The following CACNA2D1 variants were observed in gnomAD, a reference collection of about 807,000 sequenced individuals.
The protein encoded by CACNA2D1 is calcium voltage-gated channel auxiliary subunit alpha2delta 1.
Under a neutral mutation model 171.5 loss-of-function variants are expected in CACNA2D1, and 53 were observed. The observed-to-expected ratio is 0.31, with a 90% CI of 0.25 to 0.39. The LOEUF (loss-of-function observed/expected upper bound fraction) is 0.39. CACNA2D1 is among the 10% of genes least tolerant of loss of function. The pLI is 1.00. For synonymous variants in CACNA2D1, 442 were observed against 443.1 expected, an observed-to-expected ratio of 1.00 and a Z score of 0.03; for missense variants, 903 against 1,299.8, an observed-to-expected ratio of 0.69 and a Z score of 4.69.
At chr7:82,441,660 TGTA>T (rs1230646419) in intron 1 of CACNA2D1, among the ~76,000 whole-genome samples, 4 of 152,194 alleles carry the variant, frequency 2.6e-5, no homozygotes, top group African/African-American at 4.8e-5. Flanking sequence ...TGTATTTTGT[TGTA>T]GTTTTCCCCA....
intron 29 of CACNA2D1, 74 bp downstream of exon 29, chr7:81,968,813 T>C (rs150919520): frequency 0.013 from 11,124 of 846,746 alleles, 159 homozygotes; most frequent in South Asian, 0.029. Context: ...TTGATAAACA[T>C]TGCCAGTTTA....
intron 13 of CACNA2D1, 60 bp from the exon 14 acceptor site, chr7:82,013,570 ATTATT>A (rs1315016262): frequency 3.4e-6 from 2 of 580,218 alleles, no homozygotes; most frequent in Non-Finnish European, 5.1e-6. Context: ...GGGCCACAAA[ATTATT>A]TTATTTTATA....
chr7:81,978,984 T>C (rs1796164952), intron 24 of CACNA2D1, among the ~76,000 whole-genome samples: 1 of 86,926 alleles, frequency 1.2e-5, no homozygotes, highest in Non-Finnish European at 2.4e-5. Flanking sequence ...GCTGTATTGA[T>C]ATCATTCAGC....
chr7:81,978,768 TATACACACACACAC>T (rs745723551), intron 24 of CACNA2D1, among the ~76,000 whole-genome samples: 17 of 140,754 alleles, frequency 1.2e-4, no homozygotes, highest in African/African-American at 4.3e-4. Flanking sequence ...TATATATATA[TATACACACACACAC>T]ACACTGTTCA....
intron 4 of CACNA2D1, among the ~76,000 whole-genome samples, chr7:82,150,761 T>G (rs986602757): frequency 1.3e-5 from 2 of 152,148 alleles, no homozygotes; most frequent in Non-Finnish European, 2.9e-5. Flanking sequence ...TAGAAATCAG[T>G]GTTTTTATAG....
intron 3 of CACNA2D1, among the ~76,000 whole-genome samples, chr7:82,320,069 A>ATT (rs3839792): frequency 5.6e-4 from 83 of 148,576 alleles, no homozygotes; most frequent in African/African-American, 1.8e-3. Flanking sequence ...TCTGAGGCTG[A>ATT]TTTTTTTTTT....
At chr7:82,060,020 T>G (rs1806429447) in intron 10 of CACNA2D1, among the ~76,000 whole-genome samples, 1 of 85,776 alleles carries the variant, frequency 1.2e-5, no homozygotes. Flanking sequence ...GGGGGAGGGA[T>G]AGCATTAGGA....
chr7:82,175,353 T>C (rs1253535436), intron 3 of CACNA2D1, among the ~76,000 whole-genome samples: 4 of 151,808 alleles, frequency 2.6e-5, no homozygotes, highest in Non-Finnish European at 5.9e-5. Flanking sequence ...TAAAAGGTAA[T>C]AGAGATCTAC....
rs551464229 is a variant in CACNA2D1 at position 82,425,566 on chromosome 7, G to C, written c.95+17799C>G. Among the ~76,000 whole-genome samples the C allele has an allele frequency of 3.7e-3, 537 of 145,700 alleles. 6 individuals are homozygous for C. The highest frequency in any genetic ancestry group is 0.013 in the African/African-American group (494 of 38,904). ...TTTTTTTTTTTTTTTTTAAGAGACA[G>C]AGTCTTGCTCTGTTGCCGAGGCTGG... On this transcript the variant is annotated intron_variant, in intron 1 of 38. Transcript: ENST00000356860.
chr7:82,224,353 C>T (rs12707482), intron 3 of CACNA2D1, among the ~76,000 whole-genome samples: 37,689 of 151,938 alleles, frequency 0.25, 5,616 homozygotes, highest in East Asian at 0.48. Context: ...TTTGGGAGGC[C>T]GAGGCGGGCG....
At chr7:82,371,430 T>C (rs1032263687) in intron 1 of CACNA2D1, among the ~76,000 whole-genome samples, 5 of 152,188 alleles carry the variant, frequency 3.3e-5, no homozygotes, top group South Asian at 2.1e-4. Context: ...AAAAATCTTA[T>C]ATAGAAAATG....
chr7:82,117,511 C>T (rs1218634750), intron 5 of CACNA2D1, among the ~76,000 whole-genome samples: 1 of 152,094 alleles, frequency 6.6e-6, no homozygotes, highest in Non-Finnish European at 1.5e-5. Context: ...ATAGGCCAGG[C>T]CCAGTGGCTC....
At chr7:82,373,712 T>G (rs1408861051) in intron 1 of CACNA2D1, among the ~76,000 whole-genome samples, 1 of 152,222 alleles carries the variant, frequency 6.6e-6, no homozygotes, top group Non-Finnish European at 1.5e-5. Flanking sequence ...TACAGAACAC[T>G]GAGCTCCTTA....
At chr7:82,383,436 A>G (rs1478104726) in intron 1 of CACNA2D1, among the ~76,000 whole-genome samples, 1 of 152,200 alleles carries the variant, frequency 6.6e-6, no homozygotes, top group Non-Finnish European at 1.5e-5. Flanking sequence ...AAATGTAGAC[A>G]TAGAAAGTAG....
intron 1 of CACNA2D1, among the ~76,000 whole-genome samples, chr7:82,357,057 C>A (rs190250262): frequency 3.0e-4 from 46 of 152,142 alleles, no homozygotes; most frequent in Admixed American, 9.2e-4. Flanking sequence ...TGAAAAAAAT[C>A]TTTTATATCC....
Position 82,005,873 on chromosome 7 carries a change from T to C in CACNA2D1, c.1441-34A>G, listed in dbSNP as rs202142138. 5.5e-5 allele frequency: 70 copies of C among 1,262,000 alleles called. No individual in the cohort carries two copies. The East Asian group carries it at 1.3e-3, about 23-fold the overall frequency. 78.2% of individuals were successfully genotyped at this position (1,262,000 alleles called of 1,614,324 possible). ...AGAGGGCAAAAAATGGCATTTTATG[T>C]CAAAAATTTACGTATTTTTACACAA... On this transcript the variant is annotated intron_variant, in intron 16 of 38. Coordinates refer to ENST00000356860, the MANE Select transcript of CACNA2D1 (RefSeq NM_000722.4).
intron 1 of CACNA2D1, among the ~76,000 whole-genome samples, chr7:82,440,281 T>C (rs964599587): frequency 1.3e-5 from 2 of 152,022 alleles, no homozygotes; most frequent in African/African-American, 4.8e-5. Context: ...TATTTTTTAA[T>C]TGCATTTGTA....
At chr7:82,154,520 T>G (rs1278943320) in intron 4 of CACNA2D1, among the ~76,000 whole-genome samples, 2 of 151,990 alleles carry the variant, frequency 1.3e-5, no homozygotes, top group Non-Finnish European at 2.9e-5. Context: ...GGTCAATAGG[T>G]GCAGCAAACC....
chr7:82,291,158 ATATCGATATAGAATTATAATTC>A (rs1563318774), intron 3 of CACNA2D1, among the ~76,000 whole-genome samples: 11 of 122,196 alleles, frequency 9.0e-5, no homozygotes, highest in Non-Finnish European at 1.3e-4. Context: ...ATATAATTCT[ATATCGATATAGAATTATAATTC>A]TATATCGATA....
Sources: gnomAD v4.1 joint callset for allele counts (sites outside exome capture counted in the v4.1 genomes callset) on GRCh38, gnomAD v4.1.1 for gene constraint, MANE v1.5 for transcripts, NCBI Gene and HGNC (gene_info 2026-07-23, HGNC 2026-07-21) for gene names.